Variants in PHACTR2 observed in about 807,000 individuals in gnomAD.
PHACTR2 encodes the protein chromosome 6 open reading frame 56.
PHACTR2 carries 30 observed loss-of-function variants against 76.0 expected under a neutral mutation model. That is an observed-to-expected ratio of 0.39 (90% CI 0.30 to 0.54). The LOEUF is 0.54. Among genes scored for constraint, PHACTR2 ranks in the 20% least tolerant of loss-of-function variants. PHACTR2 has a pLI of 0.61. For synonymous variants in PHACTR2, 292 were observed against 292.5 expected (o/e 1.00, Z 0.02); for missense variants, 696 against 781.1 (o/e 0.89, Z 1.30).
chr6:143,763,818 T>C (rs1488246476), intron 5 of PHACTR2, among the ~76,000 whole-genome samples: 2 of 152,232 alleles, frequency 1.3e-5, no homozygotes, highest in East Asian at 1.9e-4. Context: ...TAAGTTATAA[T>C]AACATCTGTA....
chr6:143,737,300 A>G (rs1427350295), intron 2 of PHACTR2, among the ~76,000 whole-genome samples: 1 of 151,340 alleles, frequency 6.6e-6, no homozygotes, highest in Non-Finnish European at 1.5e-5. Context: ...ATTAAATTTT[A>G]TTTATTATTA....
chr6:143,668,493 C>T (rs1777087051), intron 1 of PHACTR2, among the ~76,000 whole-genome samples: 1 of 152,172 alleles, frequency 6.6e-6, no homozygotes, highest in South Asian at 2.1e-4. Context: ...GGCTCTGAAT[C>T]TGTCTGGTCC....
chr6:143,689,694 G>T lies in PHACTR2; in HGVS notation c.46+11485G>T, dbSNP rs1582774242. Among the ~76,000 whole-genome samples the T allele has an allele frequency of 1.4e-5, 2 of 138,286 alleles. No individual in the cohort carries two copies. Among genetic ancestry groups the T allele is most frequent in the East Asian group, 4.0e-4 (2 of 5,062 alleles). 90.7% of individuals were successfully genotyped at this position (138,286 alleles called of 152,430 possible). A position where few individuals can be genotyped will look rare whatever the true frequency, so the allele number is the denominator to read the frequency against. ...TTTTCCCATTTTCTCATCTTCTCAA[G>T]TCTTTTTTTTTTTTTTGAGATGGAG... On this transcript the variant is annotated intron_variant, in intron 1 of 12. Coordinates refer to ENST00000440869, the MANE Select transcript of PHACTR2 (RefSeq NM_001100164.2). The surrounding 1 kb of genome is among the most constrained non-coding windows in gnomAD (Gnocchi z 4.4).
rs1777353452 is a variant in PHACTR2 at position 143,680,045 on chromosome 6, G to A, written c.46+1836G>A. On this transcript the variant is annotated intron_variant, in intron 1 of 12. Coordinates refer to ENST00000440869, the MANE Select transcript of PHACTR2 (RefSeq NM_001100164.2). This position sits in a 1 kb window ranked among gnomAD's most constrained non-coding sequence, Gnocchi z 4.5. ...TGACAGTGGTTATGACTTAAGTTGT[G>A]GTATTGTAAAAGAACAGTTTTCTCG... is the stretch of plus-strand genomic sequence containing the variant. Among the ~76,000 whole-genome samples, 1 of 151,786 alleles carries A rather than the reference G, an allele frequency of 6.6e-6. No individual in the cohort carries two copies. Among genetic ancestry groups the A allele is most frequent in the Admixed American group, 6.6e-5 (1 of 15,250 alleles).
At chr6:143,574,901 C>T (rs1033445511) in intron 1 of PHACTR2, among the ~76,000 whole-genome samples, 3 of 152,170 alleles carry the variant, frequency 2.0e-5, no homozygotes, top group Admixed American at 6.5e-5. Flanking sequence ...CTCCTACACT[C>T]CTTTACCCAA....
rs1186882322 is a variant in PHACTR2, at chr6:143,784,799, G to C, written c.1707+1519G>C. ...CATGGTGGCGGCAAAAGAAAATGAG[G>C]AGGGGAAGCAAAACTGGAAACCCCT... On this transcript the variant is annotated intron_variant, in intron 10 of 12. Transcript: ENST00000440869. The surrounding 1 kb of genome is among the most constrained non-coding windows in gnomAD (Gnocchi z 4.5). 1.3e-5 allele frequency among the ~76,000 whole-genome samples: 2 copies of C among 152,174 alleles called. No individual in the cohort carries two copies. Among genetic ancestry groups the C allele is most frequent in the African/African-American group, 4.8e-5 (2 of 41,448 alleles).
Position 143,691,589 on chromosome 6 carries a change from C to T in PHACTR2, c.46+13380C>T, listed in dbSNP as rs562750054. On this transcript the variant is annotated intron_variant, in intron 1 of 12. Coordinates refer to ENST00000440869, the MANE Select transcript of PHACTR2 (RefSeq NM_001100164.2). ...TTTGAAGTAAATATATAGTTACATT[C>T]GAAGGCAAGGAAGTTATCAGCAGAA... Among the ~76,000 whole-genome samples, 25 of 152,250 alleles carry T rather than the reference C, an allele frequency of 1.6e-4. No homozygotes were observed. In the East Asian group the frequency reaches 4.4e-3, roughly 27 times the overall value.
intron 1 of PHACTR2, among the ~76,000 whole-genome samples, chr6:143,666,231 T>A (rs1156532582): frequency 6.6e-6 from 1 of 152,234 alleles, no homozygotes; most frequent in Non-Finnish European, 1.5e-5. Context: ...GGCTGCATAG[T>A]ATTCCATGGT....
intron 12 of PHACTR2, among the ~76,000 whole-genome samples, chr6:143,813,905 AC>A (rs1307429127): frequency 1.3e-5 from 2 of 152,190 alleles, no homozygotes; most frequent in African/African-American, 4.8e-5. Flanking sequence ...TACACGTATA[AC>A]TTTTGATTCT....
intron 1 of PHACTR2, among the ~76,000 whole-genome samples, chr6:143,560,904 TG>T: frequency 6.6e-6 from 1 of 151,338 alleles, no homozygotes; most frequent in Non-Finnish European, 1.5e-5. Context: ...TGTGTGTGTG[TG>T]TGTGTGTGTG....
chr6:143,795,741 A>T lies in PHACTR2; in HGVS notation c.1845+6831A>T, dbSNP rs1775808417. On this transcript the variant is annotated intron_variant, in intron 11 of 12. Coordinates refer to ENST00000440869, the MANE Select transcript of PHACTR2 (RefSeq NM_001100164.2). The surrounding 1 kb of genome is among the most constrained non-coding windows in gnomAD (Gnocchi z 4.8). ...CTTAGTAGTTGTTTGACCTTGGCCA[A>T]GTCATTTAACCTAGGTTTACTTACT... Among the ~76,000 whole-genome samples, 1 of 152,244 alleles carries T rather than the reference A, an allele frequency of 6.6e-6. No individual in the cohort carries two copies. The highest frequency in any genetic ancestry group is 1.5e-5 in the Non-Finnish European group (1 of 68,036).
intron 2 of PHACTR2, among the ~76,000 whole-genome samples, chr6:143,740,512 A>AAAAAAAC: frequency 6.6e-6 from 1 of 151,222 alleles, no homozygotes; most frequent in East Asian, 1.9e-4. Flanking sequence ...TTTAATTAAA[A>AAAAAAAC]AAAAAAAAAA....
In PHACTR2 at chr6:143,646,142, C is replaced by T. The variant is rs1776656259; in HGVS notation, c.13+37820C>T. On this transcript the variant is annotated intron_variant, in intron 1 of 11. Transcript: ENST00000305766. The surrounding 1 kb of genome is among the most constrained non-coding windows in gnomAD (Gnocchi z 4.1). ...AGTCCTTAAACAGGCATTCAATGAG[C>T]ATCTCTTATGTCTGAGGTCATAGGC... Among the ~76,000 whole-genome samples, 2 of 152,048 alleles carry T rather than the reference C, an allele frequency of 1.3e-5. No individual in the cohort carries two copies. The highest frequency in any genetic ancestry group is 2.1e-4 in the South Asian group (1 of 4,824).
chr6:143,778,509 G>C (rs1775340102), intron 9 of PHACTR2, among the ~76,000 whole-genome samples: 1 of 151,370 alleles, frequency 6.6e-6, no homozygotes, highest in South Asian at 2.1e-4. Flanking sequence ...TACAGCTCCA[G>C]GAAGGACTTA....
rs566428680 is a variant in PHACTR2 at position 143,611,300 on chromosome 6, G to T, written c.13+2978G>T. 6.6e-6 allele frequency among the ~76,000 whole-genome samples: 1 copy of T among 152,152 alleles called. No individual in the cohort carries two copies. The highest frequency in any genetic ancestry group is 1.5e-5 in the Non-Finnish European group (1 of 68,024). On this transcript the variant is annotated intron_variant, in intron 1 of 11. Transcript: ENST00000305766. The surrounding 1 kb of genome is among the most constrained non-coding windows in gnomAD (Gnocchi z 4.4). ...TGCTGAGAGCCCCTGCGCCTTCACC[G>T]TGCATTCTAGCTCAGTGGTTCAAAG...
At chr6:143,612,990 C>T (rs1776002551) in intron 1 of PHACTR2, among the ~76,000 whole-genome samples, 1 of 151,902 alleles carries the variant, frequency 6.6e-6, no homozygotes, top group Admixed American at 6.6e-5. Context: ...TTTTGTTTTT[C>T]TTTTTTTTGA....
chr6:143,676,864 A>G (rs1012452455), upstream of PHACTR2, among the ~76,000 whole-genome samples: 4 of 152,170 alleles, frequency 2.6e-5, no homozygotes, highest in Non-Finnish European at 5.9e-5. The surrounding 1 kb of genome is among the most constrained non-coding windows in gnomAD (Gnocchi z 4.8). Flanking sequence ...TGGGTGTGAA[A>G]AAACATAGGG....
rs182249848 is a variant in PHACTR2, at chr6:143,634,768, A to G, written c.13+26446A>G. Among the ~76,000 whole-genome samples the G allele has an allele frequency of 1.9e-3, 250 of 129,444 alleles. 1 individual carries two copies. Among genetic ancestry groups the G allele is most frequent in the Non-Finnish European group, 2.9e-3 (162 of 55,840 alleles). 84.9% of individuals were successfully genotyped at this position (129,444 alleles called of 152,430 possible). On this transcript the variant is annotated intron_variant, in intron 1 of 11. Transcript: ENST00000305766. ...GCAGATCTTGGGTAATTTGCATACC[A>G]CAAATATTTGCTCACCGTCTATGGC... is the stretch of plus-strand genomic sequence containing the variant.
At chr6:143,726,320 T>A (rs143531281) in intron 2 of PHACTR2, among the ~76,000 whole-genome samples, 159 of 152,352 alleles carry the variant, frequency 1.0e-3, no homozygotes, top group African/African-American at 3.6e-3. Context: ...ATCTTAACCA[T>A]TTTTAAACGT....
Sources: gnomAD v4.1 joint callset for allele counts (sites outside exome capture counted in the v4.1 genomes callset) on GRCh38, gnomAD v4.1.1 for gene constraint, Gnocchi (gnomAD v3.1) non-coding constraint, MANE v1.5 for transcripts, NCBI Gene and HGNC (gene_info 2026-07-23, HGNC 2026-07-21) for gene names.